Variants in RPUSD4 observed in about 807,000 individuals in gnomAD.
The protein encoded by RPUSD4 is pseudouridylate synthase RPUSD4, mitochondrial.
In RPUSD4, 37 loss-of-function variants were observed where a neutral mutation model predicts 35.4. The observed-to-expected ratio is 1.04, with a 90% CI of 0.80 to 1.37. RPUSD4 has a LOEUF of 1.37. Among genes scored for constraint, RPUSD4 ranks in the 40% most tolerant of loss-of-function variants. RPUSD4 has a pLI of 0.00. For synonymous variants in RPUSD4, 210 were observed against 192.7 expected (o/e 1.09, Z -0.74); for missense variants, 507 against 484.9 (o/e 1.05, Z -0.43).
chr11:126,210,520 T>TACATACATAC (rs746246254), intron 2 of RPUSD4, among the ~76,000 whole-genome samples: 6 of 60,252 alleles, frequency 1.0e-4, no homozygotes, highest in Non-Finnish European at 1.4e-4. Flanking sequence ...CCAACATACA[T>TACATACATAC]ACACACACAC....
chr11:126,203,516 G>C lies in RPUSD4; in HGVS notation c.1036C>G (p.Pro346Ala), dbSNP rs779512955. 6.2e-7 allele frequency: 1 copy of C among 1,614,218 alleles called. No individual in the cohort carries two copies. Among genetic ancestry groups the C allele is most frequent in the Non-Finnish European group, 8.5e-7 (1 of 1,180,048 alleles). ...KEELNLVCKL[P>A]RFFVHSLHRL... ...TGCAGGGAATGCACAAAGAAGCGAGGAAGTTTGCAGACCAAGTTGAGTTCC... is the reference window on the plus strand; with the variant it reads ...TGCAGGGAATGCACAAAGAAGCGAGCAAGTTTGCAGACCAAGTTGAGTTCC... The change falls in exon 7 of 7, where the codon CCT becomes GCT. Residue 346 changes from proline (P) to alanine (A), a missense_variant. Coordinates refer to ENST00000298317, the MANE Select transcript of RPUSD4 (RefSeq NM_032795.3).
chr11:126,203,392 C>A lies in RPUSD4; in HGVS notation c.*26G>T. On this transcript the variant is annotated 3_prime_UTR_variant, in exon 7 of 7. Transcript: ENST00000298317. ...GCTCTCAGGGTCTTCACTGTGCTCC[C>A]AGGTGCCAGGGTGCTCCCATGGTCT... 2 of 1,605,704 alleles carry A rather than the reference C, an allele frequency of 1.2e-6. No individual in the cohort carries two copies. Among genetic ancestry groups the A allele is most frequent in the South Asian group, 1.1e-5 (1 of 90,974 alleles).
At chr11:126,208,848 C>A (rs1423937209) in intron 3 of RPUSD4, 1 of 152,150 alleles carries the variant, frequency 6.6e-6, no homozygotes, top group Non-Finnish European at 1.5e-5. Context: ...GGAAAAAAAA[C>A]CAAACTGATT....
At chr11:126,205,156 C>T (rs1273751964) in intron 5 of RPUSD4, among the ~76,000 whole-genome samples, 1 of 152,208 alleles carries the variant, frequency 6.6e-6, no homozygotes, top group Non-Finnish European at 1.5e-5. Flanking sequence ...GTGAATAACG[C>T]TGCTATGAAT....
In RPUSD4 at chr11:126,207,095, T is replaced by C. The variant is rs143353172; in HGVS notation, c.558-1314A>G. Among the ~76,000 whole-genome samples the C allele has an allele frequency of 3.0e-3, 460 of 152,370 alleles. 2 individuals are homozygous for C. The highest frequency in any genetic ancestry group is 0.011 in the African/African-American group (443 of 41,586). ...TAGAAAAATAAGTCTCTATTTTTTA[T>C]TTTTTAACTTTTCCTATGAACTAGG... On this transcript the variant is annotated intron_variant, in intron 3 of 6. Coordinates refer to ENST00000298317, the MANE Select transcript of RPUSD4 (RefSeq NM_032795.3).
Position 126,210,906 on chromosome 11 carries a change from G to C in RPUSD4, c.339C>G (p.Tyr113Ter). 6.2e-7 allele frequency: 1 copy of C among 1,614,138 alleles called. No homozygotes were observed. The highest frequency in any genetic ancestry group is 8.5e-7 in the Non-Finnish European group (1 of 1,180,008). ...GGTCCTTACCATGCACAGGGAGACC[G>C]TAGGGCTTATTGATGACCACAAGGT... The part of the protein sequence containing the change: ...DKNLVVINKP[Y>*]GLPVHGGPGV... Residue 113 changes from tyrosine (Y) to a stop codon, truncating the protein, a stop_gained, in exon 2 of 7, where the codon TAC becomes TAG. Coordinates refer to ENST00000298317, the MANE Select transcript of RPUSD4 (RefSeq NM_032795.3). LOFTEE classifies it high-confidence loss of function.
In RPUSD4 at chr11:126,211,509, G is replaced by C. The variant is rs758405265; in HGVS notation, c.130C>G (p.Gln44Glu). 1.6e-5 allele frequency: 26 copies of C among 1,614,012 alleles called. No individual in the cohort carries two copies. The highest frequency in any genetic ancestry group is 2.2e-5 in the South Asian group (2 of 91,088). Reference sequence around the variant, plus strand: ...GCTCGGAGCTTCTCCGCTAATCTCTGGGCATTTATGGCCGTAGAGGCAGCG... The same window carrying C: ...GCTCGGAGCTTCTCCGCTAATCTCTCGGCATTTATGGCCGTAGAGGCAGCG... Reference protein sequence around the residue: ...AAAASTAINAQRLAEKLRAQK... With the variant: ...AAAASTAINAERLAEKLRAQK... The change falls in exon 1 of 7, where the codon CAG becomes GAG. Residue 44 changes from glutamine to glutamate, a missense_variant. Coordinates refer to ENST00000298317, the MANE Select transcript of RPUSD4 (RefSeq NM_032795.3).
chr11:126,211,411 C>T, intron 1 of RPUSD4, 39 bp downstream of exon 1: 2 of 1,555,796 alleles, frequency 1.3e-6, no homozygotes, highest in South Asian at 2.4e-5. Flanking sequence ...AACCAATGAG[C>T]GCACTGCCTC....
intron 3 of RPUSD4, chr11:126,206,240 G>A (rs1284102891): frequency 1.3e-5 from 2 of 153,854 alleles, no homozygotes; most frequent in African/African-American, 4.8e-5. Context: ...AGGTAAAACA[G>A]GAGGGAACTG....
In RPUSD4 at chr11:126,204,279, T is replaced by G; in HGVS notation, c.846A>C (p.Pro282=). The change falls in exon 6 of 7, where the codon CCA becomes CCC. Residue 282 remains proline (P), a synonymous_variant. Coordinates refer to ENST00000298317, the MANE Select transcript of RPUSD4 (RefSeq NM_032795.3). ...CTGAGTACTTGTGATCACCAAGGAT[T>G]GGACAATCCAATCCAAAAGACAAGT... The part of the protein sequence containing the change: ...RVHLSFGLDC[P]ILGDHKYSDW... 1 of 1,613,838 alleles carries G rather than the reference T, an allele frequency of 6.2e-7. No individual in the cohort carries two copies. Among genetic ancestry groups the G allele is most frequent in the Non-Finnish European group, 8.5e-7 (1 of 1,179,972 alleles).
chr11:126,210,553 C>T (rs977649095), intron 2 of RPUSD4, among the ~76,000 whole-genome samples: 3 of 67,570 alleles, frequency 4.4e-5, no homozygotes, highest in African/African-American at 1.3e-4. Context: ...ACACACACCC[C>T]CTTTTTTCTT....
rs1949733096 is a variant in RPUSD4 at position 126,203,359 on chromosome 11, G to A, written c.*59C>T. The A allele has an allele frequency of 3.2e-6, 5 of 1,583,742 alleles. No homozygotes were observed. Among genetic ancestry groups the A allele is most frequent in the Non-Finnish European group, 4.3e-6 (5 of 1,169,212 alleles). On this transcript the variant is annotated 3_prime_UTR_variant, in exon 7 of 7. Coordinates refer to ENST00000298317, the MANE Select transcript of RPUSD4 (RefSeq NM_032795.3). ...CAGGGGCCAACCTGCGCTCCCAGGT[G>A]CCAGGATGCTCTCAGGGTCTTCACT...
intron 3 of RPUSD4, chr11:126,209,190 T>C (rs1949811669): frequency 4.4e-6 from 1 of 228,196 alleles, no homozygotes; most frequent in Non-Finnish European, 8.7e-6. Flanking sequence ...AAGGTGTCAC[T>C]ATGTTGCCCA....
intron 1 of RPUSD4, 34 bp from the exon 2 acceptor site, chr11:126,211,089 G>A: frequency 5.0e-6 from 8 of 1,607,218 alleles, no homozygotes; most frequent in Non-Finnish European, 6.8e-6. Flanking sequence ...GGGAATGCCT[G>A]GTGCGGAAGC....
At chr11:126,205,262 A>G (rs368676935) in intron 5 of RPUSD4, among the ~76,000 whole-genome samples, 41 of 152,230 alleles carry the variant, frequency 2.7e-4, no homozygotes, top group African/African-American at 8.4e-4. Context: ...GAACCACTCT[A>G]CACAGTTTTA....
intron 2 of RPUSD4, 43 bp from the exon 3 acceptor site, chr11:126,209,765 T>C (rs369556540): frequency 5.0e-5 from 78 of 1,550,084 alleles, no homozygotes; most frequent in Non-Finnish European, 6.9e-5. Context: ...CAGGAAAAGA[T>C]CTCGCCAAAG....
In RPUSD4 at chr11:126,211,624, C is replaced by T; in HGVS notation, c.15G>A (p.Arg5=). The T allele has an allele frequency of 6.2e-7, 1 of 1,613,032 alleles. No homozygotes were observed. Among genetic ancestry groups the T allele is most frequent in the African/African-American group, 1.3e-5 (1 of 75,018 alleles). The change falls in exon 1 of 7, where the codon AGG becomes AGA. Residue 5 remains arginine (R), a synonymous_variant. Transcript: ENST00000298317. Reference sequence around the variant, plus strand: ...GGATCCAGGGGCCCGACGCGCTCCACCTGGGCGCCGCCATCTTACAAGGAA... The same window carrying T: ...GGATCCAGGGGCCCGACGCGCTCCATCTGGGCGCCGCCATCTTACAAGGAA... MAAP[R]WSASGPWIRG...
In RPUSD4 at chr11:126,211,606, G is replaced by A. The variant is rs200443770; in HGVS notation, c.33C>T (p.Pro11=). ...AACCTTGGCCGTTTCCCCGGATCCA[G>A]GGGCCCGACGCGCTCCACCTGGGCG... MAAPRWSASG[P]WIRGNGQGCG... Residue 11 remains proline (P), a synonymous_variant, in exon 1 of 7, where the codon CCC becomes CCT. Coordinates refer to ENST00000298317, the MANE Select transcript of RPUSD4 (RefSeq NM_032795.3). The A allele has an allele frequency of 1.9e-5, 30 of 1,613,862 alleles. No homozygotes were observed. Among genetic ancestry groups the A allele is most frequent in the Admixed American group, 1.2e-4 (7 of 59,984 alleles).
At chr11:126,211,157 T>C in intron 1 of RPUSD4, 102 bp from the exon 2 acceptor site, 1 of 1,373,978 alleles carries the variant, frequency 7.3e-7, no homozygotes. Flanking sequence ...AATGACTATC[T>C]TTGCATCAGA....
Sources: gnomAD v4.1 joint callset for allele counts (sites outside exome capture counted in the v4.1 genomes callset) on GRCh38, gnomAD v4.1.1 for gene constraint, MANE v1.5 for transcripts, NCBI Gene and HGNC (gene_info 2026-07-23, HGNC 2026-07-21) for gene names.